The following IDO2 variants were observed in gnomAD, a reference collection of about 807,000 sequenced individuals.
IDO2 encodes indoleamine 2,3-dioxygenase 2.
A neutral mutation model predicts 45.1 loss-of-function variants in IDO2; 46 were observed. The ratio of observed to expected loss-of-function variants is 1.02; its 90% CI spans 0.80 to 1.30. IDO2 has a LOEUF of 1.30. IDO2 is among the 50% of genes most tolerant of loss of function. The pLI is 0.00. For synonymous variants in IDO2, 218 were observed against 184.9 expected, an observed-to-expected ratio of 1.18 and a Z score of -1.45; for missense variants, 544 against 491.8, an observed-to-expected ratio of 1.11 and a Z score of -1.00.
At chr8:39,979,484 G>C (rs903413329) in intron 4 of IDO2, among the ~76,000 whole-genome samples, 1 of 151,994 alleles carries the variant, frequency 6.6e-6, no homozygotes, top group African/African-American at 2.4e-5. Flanking sequence ...CTTTCTTGTA[G>C]CTGAGACTAC....
At chr8:39,949,286 G>C in intron 2 of IDO2, 22 bp downstream of exon 2, 2 of 1,541,794 alleles carry the variant, frequency 1.3e-6, no homozygotes, top group African/African-American at 2.7e-5. Flanking sequence ...GCCTTGGTAA[G>C]GATAGGTCAG....
exon 11 of IDO2, chr8:40,016,348 A>T: frequency 2.5e-6 from 1 of 393,776 alleles, no homozygotes; most frequent in African/African-American, 2.1e-5. Context: ...ATAAGTAGTA[A>T]ATCAATGTGT....
chr8:39,943,579 T>C (rs1401357744), intron 1 of IDO2, among the ~76,000 whole-genome samples: 3 of 150,538 alleles, frequency 2.0e-5, no homozygotes, highest in African/African-American at 7.3e-5. Context: ...CTACTAAAAA[T>C]ACAAAAAATT....
At chr8:39,939,863 C>T (rs1473853468) in intron 1 of IDO2, among the ~76,000 whole-genome samples, 2 of 152,142 alleles carry the variant, frequency 1.3e-5, no homozygotes, top group African/African-American at 4.8e-5. Flanking sequence ...CTAAGTATAT[C>T]TGATGTTGCT....
At chr8:39,985,693 T>A (rs2543070) in intron 6 of IDO2, 171 bp downstream of exon 6, 169,575 of 626,136 alleles carry the variant, frequency 0.27, 27,168 homozygotes, top group East Asian at 0.66. Flanking sequence ...CAGTCTAAAA[T>A]TTAACAGTGA....
At position 40,012,903 on chromosome 8, in the gene IDO2, C is replaced by T. The variant is rs73605143; in HGVS notation, c.720-662C>T. 3.5e-3 allele frequency among the ~76,000 whole-genome samples: 536 copies of T among 152,306 alleles called. 3 individuals are homozygous for T. Among genetic ancestry groups the T allele is most frequent in the African/African-American group, 0.011 (471 of 41,570 alleles). The stretch of plus-strand genomic sequence containing the variant: ...TGCTTCCTGCTGTTACTCTTCTTAT[C>T]CATCCTTATTATCAATACCTGTGGT... On this transcript the variant is annotated intron_variant, in intron 9 of 10. Transcript: ENST00000502986.
intron 4 of IDO2, among the ~76,000 whole-genome samples, chr8:39,982,107 A>G (rs1808361520): frequency 6.6e-6 from 1 of 152,056 alleles, no homozygotes; most frequent in African/African-American, 2.4e-5. Flanking sequence ...CTAGCTTTGT[A>G]TCTCTATGAG....
At chr8:39,982,887 G>T in intron 5 of IDO2, 117 bp downstream of exon 5, 3 of 663,130 alleles carry the variant, frequency 4.5e-6, no homozygotes, top group Non-Finnish European at 7.3e-6. Flanking sequence ...TCCAAAGAAG[G>T]GGTGAGCTTG....
chr8:39,938,530 G>A (rs1469477503), intron 1 of IDO2, among the ~76,000 whole-genome samples: 2 of 151,594 alleles, frequency 1.3e-5, no homozygotes, highest in Non-Finnish European at 1.5e-5. Context: ...CTTGGGTTTG[G>A]AGATAACTTT....
intron 4 of IDO2, among the ~76,000 whole-genome samples, chr8:39,981,668 C>T (rs1232822172): frequency 6.6e-6 from 1 of 152,134 alleles, no homozygotes; most frequent in African/African-American, 2.4e-5. Context: ...ACCCGAGGTT[C>T]ACATTGCAAG....
In IDO2 at chr8:40,005,378, G is replaced by T. The variant is rs777209946; in HGVS notation, c.719G>T (p.Gly240Val). The T allele has an allele frequency of 5.8e-6, 9 of 1,559,176 alleles. No homozygotes were observed. In the South Asian group the frequency reaches 8.6e-5, roughly 15 times the overall value. The stretch of plus-strand genomic sequence containing the variant: ...GCAGGCATCCGGATCTTTCTCTCTG[G>T]GTAAGTATAGTTCAGTTGTTTTCCT... The change falls in exon 9 of 11, where the codon GGA (glycine) becomes GTA (valine). Residue 240 changes from glycine to valine, a missense_variant and splice_region_variant. By Grantham distance (109) the Gly-to-Val change is moderately radical. Transcript: ENST00000502986.
intron 8 of IDO2, among the ~76,000 whole-genome samples, chr8:40,003,215 C>A (rs10808931): frequency 0.44 from 66,181 of 151,598 alleles, 14,979 homozygotes; most frequent in South Asian, 0.54. Context: ...ACTAAAAACC[C>A]AAGAATTATC....
intron 2 of IDO2, among the ~76,000 whole-genome samples, chr8:39,958,636 A>G (rs931315744): frequency 6.6e-6 from 1 of 152,156 alleles, no homozygotes; most frequent in Non-Finnish European, 1.5e-5. Context: ...TTTTTAGTAG[A>G]GACGGGGTTT....
chr8:39,946,962 C>G (rs1807741624), intron 1 of IDO2, among the ~76,000 whole-genome samples: 1 of 151,916 alleles, frequency 6.6e-6, no homozygotes, highest in Non-Finnish European at 1.5e-5. Flanking sequence ...GAGTTCCAGA[C>G]CAGCCTGGTC....
intron 8 of IDO2, among the ~76,000 whole-genome samples, chr8:39,998,988 C>T (rs2129595120): frequency 6.6e-6 from 1 of 152,128 alleles, no homozygotes; most frequent in South Asian, 2.1e-4. Flanking sequence ...TTAGAAATTC[C>T]TTCAGTACAT....
intron 8 of IDO2, among the ~76,000 whole-genome samples, chr8:39,991,807 G>T (rs1286235705): frequency 6.6e-6 from 1 of 152,144 alleles, no homozygotes; most frequent in Non-Finnish European, 1.5e-5. Flanking sequence ...CTGACCTCAG[G>T]TGATCTGCCT....
At chr8:39,990,893 ATTC>A (rs1242944765) in intron 8 of IDO2, among the ~76,000 whole-genome samples, 1 of 152,204 alleles carries the variant, frequency 6.6e-6, no homozygotes, top group African/African-American at 2.4e-5. Flanking sequence ...GGCTCTTCAA[ATTC>A]TTCTCTCAGA....
At chr8:40,013,778 TTCCAATTGATAA>T in intron 10 of IDO2, 65 bp downstream of exon 10, 5 of 452,982 alleles carry the variant, frequency 1.1e-5, no homozygotes, top group Non-Finnish European at 1.6e-5. Context: ...TTTTTTTTTT[TTCCAATTGATAA>T]AACCAAATAT....
At chr8:39,935,070 A>G in exon 1 of IDO2, 1 of 877,894 alleles carries the variant, frequency 1.1e-6, no homozygotes, top group Non-Finnish European at 2.0e-6. Context: ...TTTTAAAGAC[A>G]AGGATTGGAT....
Sources: gnomAD v4.1 joint callset for allele counts (sites outside exome capture counted in the v4.1 genomes callset) on GRCh38, gnomAD v4.1.1 for gene constraint, MANE v1.5 for transcripts, NCBI Gene and HGNC (gene_info 2026-07-23, HGNC 2026-07-21) for gene names.